Variants in PTPRD observed in about 807,000 individuals in gnomAD.
PTPRD encodes the protein receptor-type tyrosine-protein phosphatase delta.
Under a neutral mutation model 214.5 loss-of-function variants are expected in PTPRD, and 34 were observed. That is an observed-to-expected ratio of 0.16 (90% CI 0.12 to 0.21). PTPRD has a LOEUF of 0.21. PTPRD is among the 10% of genes least tolerant of loss of function. The probability of loss-of-function intolerance (pLI) is 1.00; values close to 1 mark genes in which losing one functional copy is unlikely to be tolerated. For missense variants in PTPRD, 2,545 were observed against 2,398.7 expected, an observed-to-expected ratio of 1.06 and a Z score of -1.27; for synonymous variants, 1,128 against 845.7, an observed-to-expected ratio of 1.33 and a Z score of -5.79.
At chr9:9,243,032 CTTCTGT>C (rs2099971175) in intron 9 of PTPRD, among the ~76,000 whole-genome samples, 1 of 151,968 alleles carries the variant, frequency 6.6e-6, no homozygotes, top group Non-Finnish European at 1.5e-5. Flanking sequence ...GTGGATATCC[CTTCTGT>C]TTGTTAGTTT....
At chr9:10,506,340 T>G (rs1255136472) in intron 2 of PTPRD, among the ~76,000 whole-genome samples, 1 of 152,138 alleles carries the variant, frequency 6.6e-6, no homozygotes, top group Non-Finnish European at 1.5e-5. Context: ...TTTGTCAAAT[T>G]GAAAAGTAAC....
intron 4 of PTPRD, among the ~76,000 whole-genome samples, chr9:9,983,072 A>C (rs1432636751): frequency 6.6e-6 from 1 of 152,210 alleles, no homozygotes; most frequent in African/African-American, 2.4e-5. Context: ...AAAAAAAAAA[A>C]AAACTTTATT....
chr9:10,540,480 C>CTT (rs1221693778), intron 2 of PTPRD, among the ~76,000 whole-genome samples: 2 of 152,134 alleles, frequency 1.3e-5, no homozygotes, highest in Non-Finnish European at 2.9e-5. Context: ...ACTAAATTAT[C>CTT]TTTTATTACT....
chr9:9,238,161 C>T (rs940226667), intron 9 of PTPRD, among the ~76,000 whole-genome samples: 1 of 151,982 alleles, frequency 6.6e-6, no homozygotes, highest in Non-Finnish European at 1.5e-5. Context: ...TATTGACCCC[C>T]TTTGGGAGGC....
Position 10,466,799 on chromosome 9 carries a change from T to C in PTPRD, c.-599-125782A>G, listed in dbSNP as rs185438283. 8.5e-5 allele frequency among the ~76,000 whole-genome samples: 13 copies of C among 152,164 alleles called. No individual in the cohort carries two copies. The East Asian group carries it at 2.3e-3, about 27-fold the overall frequency. ...TCAAATACAAAGGGGGAATTATGAC[T>C]AGATGGCTTAGTGGCAAAACCTGCA... On this transcript the variant is annotated intron_variant, in intron 2 of 45. Coordinates refer to ENST00000381196, the MANE Select transcript of PTPRD (RefSeq NM_002839.4).
At chr9:8,787,931 T>G (rs996493534) in intron 11 of PTPRD, among the ~76,000 whole-genome samples, 1 of 152,138 alleles carries the variant, frequency 6.6e-6, no homozygotes, top group African/African-American at 2.4e-5. Context: ...AAAACTCATT[T>G]TAACCCTATC....
At chr9:9,251,678 G>C (rs1238588446) in intron 9 of PTPRD, among the ~76,000 whole-genome samples, 1 of 152,016 alleles carries the variant, frequency 6.6e-6, no homozygotes, top group African/African-American at 2.4e-5. Context: ...TTTAGGATAA[G>C]AAGTGTCTTC....
At chr9:8,788,055 T>C (rs2096064600) in intron 11 of PTPRD, among the ~76,000 whole-genome samples, 1 of 152,128 alleles carries the variant, frequency 6.6e-6, no homozygotes, top group African/African-American at 2.4e-5. Context: ...TGTGAAAATG[T>C]TCCATTACAT....
At chr9:9,660,916 G>C (rs1038033738) in intron 7 of PTPRD, among the ~76,000 whole-genome samples, 1 of 151,920 alleles carries the variant, frequency 6.6e-6, no homozygotes, top group African/African-American at 2.4e-5. Flanking sequence ...CTTTGTCATT[G>C]TGTCACGTTT....
intron 11 of PTPRD, among the ~76,000 whole-genome samples, chr9:8,905,256 T>C (rs369574244): frequency 5.3e-4 from 80 of 152,150 alleles, no homozygotes; most frequent in South Asian, 1.0e-3. Flanking sequence ...GGCCATGGTT[T>C]GCATTTCTGT....
At chr9:9,029,516 T>C (rs892188632) in intron 10 of PTPRD, among the ~76,000 whole-genome samples, 4 of 151,746 alleles carry the variant, frequency 2.6e-5, no homozygotes, top group Non-Finnish European at 2.9e-5. Context: ...TTATTTTAAA[T>C]TGTTCCTAGT....
chr9:9,877,800 C>A (rs150936181), intron 5 of PTPRD, among the ~76,000 whole-genome samples: 1 of 151,810 alleles, frequency 6.6e-6, no homozygotes, highest in Non-Finnish European at 1.5e-5. Context: ...CGAGGAGAAA[C>A]CTGTCTCTAC....
At chr9:10,512,917 G>A (rs2048780281) in intron 2 of PTPRD, among the ~76,000 whole-genome samples, 1 of 151,872 alleles carries the variant, frequency 6.6e-6, no homozygotes, top group East Asian at 1.9e-4. Flanking sequence ...TAATTTAAGG[G>A]TACTGTCAAG....
At chr9:10,482,165 AT>A (rs1165840381) in intron 2 of PTPRD, among the ~76,000 whole-genome samples, 1 of 152,048 alleles carries the variant, frequency 6.6e-6, no homozygotes, top group East Asian at 1.9e-4. Flanking sequence ...AGGTCAGGAG[AT>A]TGAGACCAGC....
In PTPRD at chr9:8,860,346, G is replaced by A. The variant is rs866675055; in HGVS notation, c.-103-126400C>T. ...GTAGAAAAGGGACCCAGAAATCAGG[G>A]GATACAGAGGACAGTACAAGTAAAT... On this transcript the variant is annotated intron_variant, in intron 11 of 45. Coordinates refer to ENST00000381196, the MANE Select transcript of PTPRD (RefSeq NM_002839.4). 4 of 152,166 alleles carry A rather than the reference G, an allele frequency of 2.6e-5. No homozygotes were observed. In the South Asian group the frequency reaches 8.3e-4, roughly 32 times the overall value. 9.4% of individuals were successfully genotyped at this position (152,166 alleles called of 1,614,324 possible). A position where few individuals can be genotyped will look rare whatever the true frequency, so the allele number is the denominator to read the frequency against.
At chr9:9,316,560 G>GA (rs1233987349) in intron 9 of PTPRD, among the ~76,000 whole-genome samples, 3 of 152,080 alleles carry the variant, frequency 2.0e-5, no homozygotes, top group Non-Finnish European at 4.4e-5. Flanking sequence ...CACAAGACCA[G>GA]TTTTTACCCT....
chr9:8,439,091 A>G (rs1554969256), intron 34 of PTPRD, among the ~76,000 whole-genome samples: 1 of 152,224 alleles, frequency 6.6e-6, no homozygotes, highest in Non-Finnish European at 1.5e-5. Context: ...TTATCATTGG[A>G]TACCATATTG....
intron 8 of PTPRD, among the ~76,000 whole-genome samples, chr9:9,427,436 A>T (rs2081373656): frequency 6.6e-6 from 1 of 152,228 alleles, no homozygotes; most frequent in South Asian, 2.1e-4. Flanking sequence ...TCTACGTCTG[A>T]TTGGTGTACG....
intron 5 of PTPRD, among the ~76,000 whole-genome samples, chr9:9,845,670 G>A (rs1416772342): frequency 6.6e-6 from 1 of 151,942 alleles, no homozygotes; most frequent in South Asian, 2.1e-4. Context: ...ATAAACTTGA[G>A]GTAGAAAGAA....
Sources: gnomAD v4.1 joint callset for allele counts (sites outside exome capture counted in the v4.1 genomes callset) on GRCh38, gnomAD v4.1.1 for gene constraint, MANE v1.5 for transcripts, NCBI Gene and HGNC (gene_info 2026-07-23, HGNC 2026-07-21) for gene names.